Variants in MAP3K9 observed in about 807,000 individuals in gnomAD.
MAP3K9 encodes mixed lineage kinase 1 (tyr and ser/thr specificity).
Under a neutral mutation model 95.8 loss-of-function variants are expected in MAP3K9, and 46 were observed. That is an observed-to-expected ratio of 0.48 (90% CI 0.38 to 0.61). The LOEUF (loss-of-function observed/expected upper bound fraction) is 0.61. Ranked by LOEUF, MAP3K9 falls within the 20% of genes least tolerant of loss-of-function variation. The pLI is 0.00. For missense variants in MAP3K9, 1,296 were observed against 1,474.3 expected (o/e 0.88, Z 1.98); for synonymous variants, 533 against 593.8 (o/e 0.90, Z 1.49).
At position 70,725,338 on chromosome 14, in the gene MAP3K9, A is replaced by C. The variant is rs2053806268; in HGVS notation, c.*5042T>G. ...ATGGATGAGGAAGCGGGTGGACATG[A>C]CTGTCAATATCTCATCAGGACAAAA... On this transcript the variant is annotated 3_prime_UTR_variant, in exon 12 of 12. Coordinates refer to ENST00000554752, the MANE Select transcript of MAP3K9 (RefSeq NM_001284230.2). The C allele has an allele frequency of 6.6e-6, 1 of 152,268 alleles. No homozygotes were observed. Among genetic ancestry groups the C allele is most frequent in the Admixed American group, 6.5e-5 (1 of 15,282 alleles). 9.4% of individuals were successfully genotyped at this position (152,268 alleles called of 1,614,324 possible).
intron 2 of MAP3K9, among the ~76,000 whole-genome samples, chr14:70,779,165 C>T (rs7140653): frequency 0.89 from 135,334 of 152,272 alleles, 60,205 homozygotes; most frequent in Middle Eastern, 0.93. Flanking sequence ...AAGAAGGAGC[C>T]GCAGTGAAGG....
chr14:70,742,034 A>C (rs2054077406), intron 6 of MAP3K9, among the ~76,000 whole-genome samples: 1 of 152,180 alleles, frequency 6.6e-6, no homozygotes, highest in South Asian at 2.1e-4. Context: ...GTTTTCCCCC[A>C]ACTTCATGCT....
In MAP3K9 at chr14:70,726,574, T is replaced by A. The variant is rs2053823315; in HGVS notation, c.*3806A>T. The A allele has an allele frequency of 6.6e-6, 1 of 152,250 alleles. No homozygotes were observed. The highest frequency in any genetic ancestry group is 1.5e-5 in the Non-Finnish European group (1 of 68,056). 9.4% of individuals were successfully genotyped at this position (152,250 alleles called of 1,614,324 possible). On this transcript the variant is annotated 3_prime_UTR_variant, in exon 12 of 12. Transcript: ENST00000554752. ...GTGAGGATGACATTGGCAGACAGCA[T>A]CAGACAAGTTAAGTGGGGGAATTAG...
At position 70,732,679 on chromosome 14, in the gene MAP3K9, G is replaced by A; in HGVS notation, c.2690C>T (p.Thr897Ile). ...RFKRDPNQSLTPTHVTLTTPS... is the reference protein window; with the variant it reads ...RFKRDPNQSLIPTHVTLTTPS... ...GGTGGTGAGGGTGACATGGGTGGGAGTCAGAGATTGGTTAGGATCTCGTTT... is the reference window on the plus strand; with the variant it reads ...GGTGGTGAGGGTGACATGGGTGGGAATCAGAGATTGGTTAGGATCTCGTTT... The change falls in exon 11 of 12, where the codon ACT becomes ATT. Residue 897 changes from threonine (T) to isoleucine (I), a missense_variant. By Grantham distance (89) the Thr-to-Ile change is moderately conservative. This residue lies in a region of MAP3K9 where 433 missense variants were observed against 441.4 expected (regional missense o/e 0.98). Transcript: ENST00000554752. 1 of 1,602,930 alleles carries A rather than the reference G, an allele frequency of 6.2e-7. No individual in the cohort carries two copies. Among genetic ancestry groups the A allele is most frequent in the Non-Finnish European group, 8.5e-7 (1 of 1,173,228 alleles).
intron 2 of MAP3K9, among the ~76,000 whole-genome samples, chr14:70,794,934 C>G (rs566015543): frequency 6.7e-6 from 1 of 150,296 alleles, no homozygotes; most frequent in South Asian, 2.1e-4. Context: ...GTCTCGGCCT[C>G]CCAATGTGCT....
chr14:70,804,843 T>C (rs889847543), intron 1 of MAP3K9, among the ~76,000 whole-genome samples: 11 of 152,168 alleles, frequency 7.2e-5, no homozygotes, highest in African/African-American at 2.7e-4. Context: ...AAGCAAATAT[T>C]ATGACCTGAC....
chr14:70,767,357 C>A (rs888120301), intron 2 of MAP3K9, among the ~76,000 whole-genome samples: 4 of 130,198 alleles, frequency 3.1e-5, no homozygotes, highest in Non-Finnish European at 4.6e-5. Context: ...GCACTCCAGC[C>A]TGGGCAACAG....
intron 2 of MAP3K9, among the ~76,000 whole-genome samples, chr14:70,792,193 C>T (rs895391754): frequency 2.0e-5 from 3 of 152,230 alleles, no homozygotes; most frequent in African/African-American, 7.2e-5. Context: ...CGCCAGGTGG[C>T]TGCTAGCTAA....
intron 2 of MAP3K9, among the ~76,000 whole-genome samples, chr14:70,769,290 C>T (rs1458458729): frequency 6.6e-6 from 1 of 152,142 alleles, no homozygotes; most frequent in East Asian, 1.9e-4. Context: ...CCATCCGGTC[C>T]CTTTAGAAGT....
chr14:70,737,991 T>C (rs772944473), intron 8 of MAP3K9, among the ~76,000 whole-genome samples: 23 of 152,062 alleles, frequency 1.5e-4, no homozygotes, highest in Non-Finnish European at 3.2e-4. Flanking sequence ...CGCTCAAGAG[T>C]TGTGACAGGG....
intron 1 of MAP3K9, among the ~76,000 whole-genome samples, 167 bp downstream of exon 1, chr14:70,808,599 A>T (rs1327334042): frequency 6.6e-6 from 1 of 152,018 alleles, no homozygotes; most frequent in East Asian, 1.9e-4. Context: ...GAGCTTATCC[A>T]GCAAGCAAAG....
chr14:70,809,027 C>T lies in MAP3K9; in HGVS notation c.145G>A (p.Gly49Ser), dbSNP rs1487768265. ...CAGTAGGGCAGCGGCGCGTCGCAGC[C>T]CAGCTCCCCGGGGCCCACCGCCGCC... ...AAAAVGPGEL[G>S]CDAPLPYWTA... The change falls in exon 1 of 12, where the codon GGC becomes AGC. Residue 49 changes from glycine to serine, a missense_variant. Gly to Ser is a moderately conservative substitution (Grantham distance 56). Coordinates refer to ENST00000554752, the MANE Select transcript of MAP3K9 (RefSeq NM_001284230.2). 6.7e-7 allele frequency: 1 copy of T among 1,497,938 alleles called. No individual in the cohort carries two copies. Among genetic ancestry groups the T allele is most frequent in the East Asian group, 2.6e-5 (1 of 37,784 alleles). 92.8% of individuals were successfully genotyped at this position (1,497,938 alleles called of 1,614,324 possible). A position where few individuals can be genotyped will look rare whatever the true frequency, so the allele number is the denominator to read the frequency against.
intron 2 of MAP3K9, among the ~76,000 whole-genome samples, chr14:70,797,927 T>C (rs1021335608): frequency 2.6e-5 from 4 of 152,162 alleles, no homozygotes; most frequent in African/African-American, 7.2e-5. Context: ...GCGCCAACCA[T>C]GCAGTCCAAT....
At chr14:70,736,806 T>C (rs753325525) in intron 8 of MAP3K9, among the ~76,000 whole-genome samples, 12 of 152,200 alleles carry the variant, frequency 7.9e-5, no homozygotes, top group Non-Finnish European at 1.6e-4. Flanking sequence ...ATCGCTGGAT[T>C]CTTACATAGC....
At chr14:70,793,364 G>T (rs1477784647) in intron 2 of MAP3K9, among the ~76,000 whole-genome samples, 1 of 152,146 alleles carries the variant, frequency 6.6e-6, no homozygotes, top group African/African-American at 2.4e-5. Flanking sequence ...ATGGATCAAG[G>T]GCCAGGGGAC....
At chr14:70,797,957 G>A (rs1403439945) in intron 2 of MAP3K9, among the ~76,000 whole-genome samples, 2 of 152,132 alleles carry the variant, frequency 1.3e-5, no homozygotes, top group African/African-American at 2.4e-5. Flanking sequence ...ACATTACTGG[G>A]CAGCAACTGT....
rs895785708 is a variant in MAP3K9 at position 70,725,215 on chromosome 14, G to A, written c.*5165C>T. ...AGAATCAGGAAGGACCAGTCCCACC[G>A]GCTCCTGATCATGGAGTGAGCCCAA... On this transcript the variant is annotated 3_prime_UTR_variant, in exon 12 of 12. Transcript: ENST00000554752. 6.6e-6 allele frequency: 1 copy of A among 152,286 alleles called. No individual in the cohort carries two copies. The highest frequency in any genetic ancestry group is 1.5e-5 in the Non-Finnish European group (1 of 68,108). The allele number at this position is 152,286 out of a possible 1,614,324, so 9.4% of individuals were successfully genotyped here. A position where few individuals can be genotyped will look rare whatever the true frequency, so the allele number is the denominator to read the frequency against.
intron 2 of MAP3K9, among the ~76,000 whole-genome samples, chr14:70,780,652 T>G (rs1324176848): frequency 6.6e-6 from 1 of 152,118 alleles, no homozygotes; most frequent in Non-Finnish European, 1.5e-5. Context: ...CCTCACCTCA[T>G]CCAGGCGCAG....
Position 70,808,830 on chromosome 14 carries a change from G to T in MAP3K9, c.342C>A (p.Arg114=). The T allele has an allele frequency of 6.3e-7, 1 of 1,597,072 alleles. No homozygotes were observed. The highest frequency in any genetic ancestry group is 8.5e-7 in the Non-Finnish European group (1 of 1,174,568). ...GCTGGCAGCGGCTGGAGAAGGCGCT[G>T]CGCGGGGTCACGTAGTTGCTGGGGA... is the stretch of plus-strand genomic sequence containing the variant. The part of the protein sequence containing the change: ...GIFPSNYVTP[R]SAFSSRCQPG... The change falls in exon 1 of 12, where the codon CGC becomes CGA. Residue 114 remains arginine (R), a synonymous_variant. Coordinates refer to ENST00000554752, the MANE Select transcript of MAP3K9 (RefSeq NM_001284230.2).
Sources: allele counts gnomAD v4.1 joint callset (sites outside exome capture counted in the v4.1 genomes callset), GRCh38; gene constraint gnomAD v4.1.1; regional missense constraint gnomAD v4.1.1; transcripts MANE v1.5; gene names NCBI Gene and HGNC (gene_info 2026-07-23, HGNC 2026-07-21).